WDR43: variants seen among roughly 807,000 people sequenced by gnomAD.
WDR43 encodes the protein WD repeat-containing protein 43.
A neutral mutation model predicts 91.4 loss-of-function variants in WDR43; 13 were observed. The observed-to-expected ratio is 0.14, with a 90% CI of 0.09 to 0.23. WDR43 has a LOEUF of 0.23. WDR43 is among the 10% of genes least tolerant of loss of function. The pLI is 1.00. For missense variants in WDR43, 780 were observed against 809.4 expected, an observed-to-expected ratio of 0.96 and a Z score of 0.44; for synonymous variants, 331 against 287.9, an observed-to-expected ratio of 1.15 and a Z score of -1.51.
At chr2:28,931,954 A>G (rs1381786247) in intron 11 of WDR43, among the ~76,000 whole-genome samples, 1 of 144,252 alleles carries the variant, frequency 6.9e-6, no homozygotes, top group Admixed American at 7.3e-5. Context: ...ATTGTAGCTC[A>G]CTGCATGAAC....
intron 16 of WDR43, among the ~76,000 whole-genome samples, chr2:28,946,147 G>A (rs1671538736): frequency 6.6e-6 from 1 of 152,052 alleles, no homozygotes; most frequent in Non-Finnish European, 1.5e-5. Flanking sequence ...ATCGGCCTGG[G>A]CAACATGGTG....
At chr2:28,908,762 G>A (rs940108920) in intron 3 of WDR43, among the ~76,000 whole-genome samples, 4 of 152,132 alleles carry the variant, frequency 2.6e-5, no homozygotes, top group African/African-American at 4.8e-5. Flanking sequence ...TGTTCCAGAC[G>A]CTATGTATTG....
chr2:28,937,874 C>A, intron 13 of WDR43, 57 bp from the exon 14 acceptor site: 1 of 1,555,064 alleles, frequency 6.4e-7, no homozygotes, highest in South Asian at 1.1e-5. Context: ...TCTAACAGCT[C>A]AGTTGAATTT....
chr2:28,915,115 T>C (rs976781940), intron 5 of WDR43, among the ~76,000 whole-genome samples: 1 of 152,176 alleles, frequency 6.6e-6, no homozygotes, highest in African/African-American at 2.4e-5. Flanking sequence ...TATGAATTTA[T>C]ACAAGATAAT....
intron 1 of WDR43, among the ~76,000 whole-genome samples, chr2:28,901,033 G>T (rs1670570128): frequency 6.6e-6 from 1 of 152,202 alleles, no homozygotes; most frequent in Non-Finnish European, 1.5e-5. Flanking sequence ...ATTTTTAGGT[G>T]TCTTGGGCTG....
At chr2:28,936,269 A>G (rs963497176) in intron 12 of WDR43, among the ~76,000 whole-genome samples, 1 of 152,178 alleles carries the variant, frequency 6.6e-6, no homozygotes, top group South Asian at 2.1e-4. Flanking sequence ...AATTAGGCCT[A>G]AAAATAGAGT....
intron 10 of WDR43, 118 bp downstream of exon 10, chr2:28,927,818 C>T: frequency 7.8e-7 from 1 of 1,283,992 alleles, no homozygotes; most frequent in Non-Finnish European, 1.1e-6. Context: ...GAGATTTCTC[C>T]TGTTATGCTC....
chr2:28,936,412 TAAA>T (rs1480181892), intron 12 of WDR43, among the ~76,000 whole-genome samples: 1 of 152,138 alleles, frequency 6.6e-6, no homozygotes, highest in Non-Finnish European at 1.5e-5. Context: ...ACTCTGTACT[TAAA>T]AAAGCAGTGT....
In WDR43 at chr2:28,947,357, T is replaced by A. The variant is rs1558387277; in HGVS notation, c.*578T>A. 1 of 152,210 alleles carries A rather than the reference T, an allele frequency of 6.6e-6. No individual in the cohort carries two copies. Among genetic ancestry groups the A allele is most frequent in the Non-Finnish European group, 1.5e-5 (1 of 68,034 alleles). The allele number at this position is 152,210 out of a possible 1,614,324, so 9.4% of individuals were successfully genotyped here. On this transcript the variant is annotated 3_prime_UTR_variant, in exon 18 of 18. Coordinates refer to ENST00000407426, the MANE Select transcript of WDR43 (RefSeq NM_015131.3). ...TGTGATAATCTGACTTGAGTCAGAT[T>A]GAATATTTGGAGTGCTTCCCCAGAA... is the stretch of plus-strand genomic sequence containing the variant.
intron 5 of WDR43, 41 bp downstream of exon 5, chr2:28,914,249 A>C (rs769979573): frequency 1.9e-6 from 3 of 1,590,926 alleles, no homozygotes; most frequent in African/African-American, 1.3e-5. Context: ...CATTGAAAGA[A>C]TCTGTCAGAG....
chr2:28,938,459 A>G (rs1281824198), intron 14 of WDR43, among the ~76,000 whole-genome samples: 2 of 147,694 alleles, frequency 1.4e-5, no homozygotes, highest in Non-Finnish European at 3.0e-5. Flanking sequence ...TACCTATGGA[A>G]ATAGAAGAGG....
chr2:28,935,184 ATT>A, intron 11 of WDR43, among the ~76,000 whole-genome samples: 1 of 152,184 alleles, frequency 6.6e-6, no homozygotes, highest in Middle Eastern at 3.2e-3. Context: ...TACAGCCCAA[ATT>A]TCATAAAATG....
At chr2:28,895,076 C>A in intron 1 of WDR43, 153 bp downstream of exon 1, 1 of 709,554 alleles carries the variant, frequency 1.4e-6, no homozygotes, top group Non-Finnish European at 2.0e-6. Context: ...GGGCCCAAGC[C>A]GCCAGCCCCG....
At position 28,906,592 on chromosome 2, in the gene WDR43, T is replaced by C. The variant is rs1670686131; in HGVS notation, c.485+11T>C. 3 of 1,608,502 alleles carry C rather than the reference T, an allele frequency of 1.9e-6. No individual in the cohort carries two copies. The African/African-American group carries it at 4.0e-5, about 22-fold the overall frequency. ...ATGCAAAGTAAAGTGGTGAGTAACATTCATGGTATCAGGAAATGCAATAGA... is the reference window on the plus strand; with the variant it reads ...ATGCAAAGTAAAGTGGTGAGTAACACTCATGGTATCAGGAAATGCAATAGA... On this transcript the variant is annotated intron_variant, in intron 3 of 17. Coordinates refer to ENST00000407426, the MANE Select transcript of WDR43 (RefSeq NM_015131.3).
chr2:28,896,303 T>A (rs906944059), intron 1 of WDR43, among the ~76,000 whole-genome samples: 1 of 152,206 alleles, frequency 6.6e-6, no homozygotes, highest in African/African-American at 2.4e-5. Context: ...ATAGTGGTAA[T>A]TGCCCCTCTG....
rs768292967 is a variant in WDR43, at chr2:28,925,166, TA to T, written c.1086+14del. Reference sequence around the variant, plus strand: ...TATTGAGCGAGTGGTACGTAGCTGCTACTCTGGAGTAAAGCAATATAGCATC... The same window carrying T: ...TATTGAGCGAGTGGTACGTAGCTGCTCTCTGGAGTAAAGCAATATAGCATC... On this transcript the variant is annotated intron_variant, in intron 8 of 17. Transcript: ENST00000407426. 8 of 1,600,390 alleles carry T rather than the reference TA, an allele frequency of 5.0e-6. No individual in the cohort carries two copies. Among genetic ancestry groups the T allele is most frequent in the Non-Finnish European group, 6.8e-6 (8 of 1,172,830 alleles).
chr2:28,912,382 C>T (rs377026873), intron 3 of WDR43, among the ~76,000 whole-genome samples: 2 of 152,328 alleles, frequency 1.3e-5, no homozygotes, highest in South Asian at 2.1e-4. Flanking sequence ...GGAGATTGTG[C>T]TGTGTTAAGG....
At chr2:28,913,942 C>T in intron 4 of WDR43, 127 bp from the exon 5 acceptor site, 1 of 1,061,130 alleles carries the variant, frequency 9.4e-7, no homozygotes, top group Non-Finnish European at 1.4e-6. Flanking sequence ...TTGAATTGAA[C>T]AGTTACTTCA....
At chr2:28,928,883 C>G (rs957487499) in intron 10 of WDR43, among the ~76,000 whole-genome samples, 3 of 152,086 alleles carry the variant, frequency 2.0e-5, no homozygotes, top group Admixed American at 2.0e-4. Flanking sequence ...CCATGTTGCC[C>G]AGGCTGGTCT....
Sources: gnomAD v4.1 joint callset for allele counts (sites outside exome capture counted in the v4.1 genomes callset) on GRCh38, gnomAD v4.1.1 for gene constraint, MANE v1.5 for transcripts, NCBI Gene and HGNC (gene_info 2026-07-23, HGNC 2026-07-21) for gene names.